Variants in GRIK4 observed in about 807,000 individuals in gnomAD.
GRIK4 encodes glutamate ionotropic receptor kainate type subunit 4, also known as glutamate receptor ionotropic, kainate 4.
GRIK4 carries 40 observed loss-of-function variants against 104.9 expected under a neutral mutation model. That is an observed-to-expected ratio of 0.38 (90% CI 0.30 to 0.50). The LOEUF is 0.50. Among genes scored for constraint, GRIK4 ranks in the 20% least tolerant of loss-of-function variants. GRIK4 has a pLI of 0.93. For synonymous variants in GRIK4, 485 were observed against 524.9 expected (o/e 0.92, Z 1.04); for missense variants, 1,047 against 1,308.1 (o/e 0.80, Z 3.08).
chr11:120,648,324 G>A (rs1408583383), intron 1 of GRIK4, among the ~76,000 whole-genome samples: 1 of 152,230 alleles, frequency 6.6e-6, no homozygotes, highest in African/African-American at 2.4e-5. Context: ...CAGATGCCCA[G>A]GGCAGCCTCT....
intron 1 of GRIK4, among the ~76,000 whole-genome samples, chr11:120,518,769 A>G (rs1206194325): frequency 6.6e-6 from 1 of 152,088 alleles, no homozygotes; most frequent in Non-Finnish European, 1.5e-5. Flanking sequence ...CAGGTGCCCA[A>G]TACCACCCCC....
intron 4 of GRIK4, among the ~76,000 whole-genome samples, chr11:120,805,969 T>C (rs187855377): frequency 2.0e-5 from 3 of 152,272 alleles, no homozygotes; most frequent in African/African-American, 4.8e-5. Flanking sequence ...AAATCCTGGG[T>C]CTCCCATGTA....
intron 13 of GRIK4, among the ~76,000 whole-genome samples, chr11:120,936,855 C>T (rs1943608039): frequency 1.3e-5 from 2 of 151,862 alleles, no homozygotes; most frequent in South Asian, 4.2e-4. Flanking sequence ...TGGCCTGGCC[C>T]CCACCTGCCC....
intron 3 of GRIK4, among the ~76,000 whole-genome samples, chr11:120,758,215 C>A (rs557664466): frequency 1.1e-3 from 172 of 152,210 alleles, no homozygotes; most frequent in African/African-American, 4.0e-3. Flanking sequence ...CTTCATTGTA[C>A]CCATCCTGAG....
At chr11:120,895,586 G>C (rs183287807) in intron 11 of GRIK4, among the ~76,000 whole-genome samples, 21 of 152,254 alleles carry the variant, frequency 1.4e-4, no homozygotes, top group Middle Eastern at 3.4e-3. Flanking sequence ...CTTAAGTGAA[G>C]GGCACATTCG....
chr11:120,861,724 T>G (rs1431922549), intron 8 of GRIK4, among the ~76,000 whole-genome samples: 1 of 152,172 alleles, frequency 6.6e-6, no homozygotes, highest in African/African-American at 2.4e-5. Context: ...CTAGTGCATC[T>G]TGTATATAAC....
chr11:120,843,593 A>G (rs1310007794), intron 8 of GRIK4, among the ~76,000 whole-genome samples: 3 of 152,156 alleles, frequency 2.0e-5, no homozygotes, highest in African/African-American at 7.2e-5. Flanking sequence ...CCTCACGACA[A>G]CTCTAGCAGG....
At chr11:120,534,483 G>A (rs903973116) in intron 1 of GRIK4, among the ~76,000 whole-genome samples, 19 of 152,150 alleles carry the variant, frequency 1.2e-4, no homozygotes, top group African/African-American at 4.3e-4. Context: ...CCAAAGAGAA[G>A]CTGATGACGG....
chr11:120,610,557 A>C (rs572874789), intron 1 of GRIK4, among the ~76,000 whole-genome samples: 132 of 152,146 alleles, frequency 8.7e-4, no homozygotes, highest in African/African-American at 3.0e-3. Flanking sequence ...GCCGGAGTGG[A>C]GGGTGGAGAG....
chr11:120,666,704 C>T (rs1565283096), intron 3 of GRIK4, among the ~76,000 whole-genome samples: 2 of 152,180 alleles, frequency 1.3e-5, no homozygotes, highest in Non-Finnish European at 2.9e-5. Context: ...GCCTGAGTAT[C>T]TCCAGGTTTT....
At chr11:120,720,699 T>TG (rs1950916850) in intron 3 of GRIK4, among the ~76,000 whole-genome samples, 4 of 151,712 alleles carry the variant, frequency 2.6e-5, no homozygotes, top group Admixed American at 2.0e-4. Flanking sequence ...TCTGCAAGGG[T>TG]GGGGGTTAGG....
At chr11:120,609,967 A>G (rs1412100017) in intron 1 of GRIK4, among the ~76,000 whole-genome samples, 2 of 152,082 alleles carry the variant, frequency 1.3e-5, no homozygotes, top group African/African-American at 4.8e-5. Context: ...TCCGAGCCCC[A>G]GTCCTCTCAT....
chr11:120,613,555 T>TTGCGTGTG (rs1158516018), intron 1 of GRIK4, among the ~76,000 whole-genome samples: 2 of 152,232 alleles, frequency 1.3e-5, no homozygotes, highest in Admixed American at 6.5e-5. Flanking sequence ...GTGCATGTGT[T>TTGCGTGTG]TGCGTGTGTG....
intron 11 of GRIK4, among the ~76,000 whole-genome samples, chr11:120,876,118 ATCATCACCACCACCATCACTG>A (rs1954782340): frequency 6.6e-6 from 1 of 151,382 alleles, no homozygotes; most frequent in Non-Finnish European, 1.5e-5. Flanking sequence ...AATCATCATC[ATCATCACCACCACCATCACTG>A]TCATCATCAC....
intron 9 of GRIK4, chr11:120,868,761 A>G (rs558658863): frequency 2.7e-5 from 4 of 148,530 alleles, no homozygotes; most frequent in Non-Finnish European, 5.9e-5. Flanking sequence ...TTTTTTTTGT[A>G]TTTTTAGTAG....
intron 3 of GRIK4, among the ~76,000 whole-genome samples, chr11:120,795,117 A>G (rs1318033318): frequency 1.3e-5 from 2 of 152,238 alleles, no homozygotes; most frequent in Admixed American, 1.3e-4. Flanking sequence ...AAACGGCCAC[A>G]GACAGTGTTA....
intron 3 of GRIK4, among the ~76,000 whole-genome samples, chr11:120,781,697 C>G (rs774257605): frequency 1.3e-5 from 2 of 152,104 alleles, no homozygotes; most frequent in African/African-American, 2.4e-5. Flanking sequence ...GATGGGCACT[C>G]AAGTTGGTGC....
intron 8 of GRIK4, among the ~76,000 whole-genome samples, chr11:120,843,602 G>A (rs1031464104): frequency 1.3e-5 from 2 of 152,206 alleles, no homozygotes; most frequent in African/African-American, 4.8e-5. Context: ...AACTCTAGCA[G>A]GAGACACAGT....
intron 11 of GRIK4, among the ~76,000 whole-genome samples, chr11:120,891,764 G>A (rs1377027605): frequency 6.6e-6 from 1 of 152,172 alleles, no homozygotes; most frequent in Non-Finnish European, 1.5e-5. Context: ...AAAAGAACGT[G>A]GTTCTGGGAG....
Sources: gnomAD v4.1 joint callset for allele counts (sites outside exome capture counted in the v4.1 genomes callset) on GRCh38, gnomAD v4.1.1 for gene constraint, MANE v1.5 for transcripts, NCBI Gene and HGNC (gene_info 2026-07-23, HGNC 2026-07-21) for gene names.